FHL5: variants seen among roughly 807,000 people sequenced by gnomAD.
FHL5 encodes four and a half LIM domains protein 5.
In FHL5, 33 loss-of-function variants were observed where a neutral mutation model predicts 32.0. The observed-to-expected ratio is 1.03, with a 90% confidence interval of 0.78 to 1.38. The LOEUF (loss-of-function observed/expected upper bound fraction) is 1.38. FHL5 is among the 40% of genes most tolerant of loss of function. FHL5 has a pLI of 0.00. For synonymous variants in FHL5, 114 were observed against 113.6 expected (o/e 1.00, Z -0.02); for missense variants, 336 against 343.9 (o/e 0.98, Z 0.18).
Position 96,598,099 on chromosome 6 carries a change from C to T in FHL5, c.-12-5503C>T, listed in dbSNP as rs540142226. 2.6e-5 allele frequency among the ~76,000 whole-genome samples: 4 copies of T among 152,244 alleles called. 1 individual carries two copies. The highest frequency in any genetic ancestry group is 2.6e-4 in the Admixed American group (4 of 15,284). On this transcript the variant is annotated intron_variant, in intron 1 of 5. Transcript: ENST00000450218. ...TTACCCCAAATGTGGTAGAGACTGC[C>T]CTTTGCCTGCTTCCACACCCATTCT...
At chr6:96,570,203 A>T (rs1770446061) in intron 1 of FHL5, among the ~76,000 whole-genome samples, 1 of 152,074 alleles carries the variant, frequency 6.6e-6, no homozygotes, top group African/African-American at 2.4e-5. Context: ...TACCTCGAGA[A>T]GGCTTTATTT....
chr6:96,618,469 C>G lies in FHL5; in HGVS notation c.*2697C>G, dbSNP rs1771565844. 6.6e-6 allele frequency among the ~76,000 whole-genome samples: 1 copy of G among 152,132 alleles called. No homozygotes were observed. Among genetic ancestry groups the G allele is most frequent in the African/African-American group, 2.4e-5 (1 of 41,406 alleles). On this transcript the variant is annotated 3_prime_UTR_variant, in exon 6 of 6. Coordinates refer to ENST00000450218, the MANE Select transcript of FHL5 (RefSeq NM_001322466.2). ...TGACATAACCGGCCATAGAAAGTTA[C>G]CAACTGTTCATAAGTAAAGGAAGAA...
chr6:96,610,690 C>T lies in FHL5; in HGVS notation c.623C>T (p.Pro208Leu), dbSNP rs769543900. ...EEQFMSRDDY[P>L]FCVDCYNHLY... The stretch of plus-strand genomic sequence containing the variant: ...CAGTTCATGTCCAGAGACGACTATC[C>T]ATTCTGCGTGGACTGCTACAACCAT... The change falls in exon 5 of 6, where the codon CCA (proline) becomes CTA (leucine). Residue 208 changes from proline to leucine, a missense_variant. Transcript: ENST00000450218. The T allele has an allele frequency of 6.8e-6, 11 of 1,613,600 alleles. No homozygotes were observed. In the Admixed American group the frequency reaches 1.0e-4, roughly 15 times the overall value.
intron 1 of FHL5, among the ~76,000 whole-genome samples, chr6:96,591,545 A>T (rs11153067): frequency 0.16 from 24,195 of 151,984 alleles, 2,080 homozygotes; most frequent in Middle Eastern, 0.26. Flanking sequence ...TTTTACCTTC[A>T]TTGTCAAAAG....
intron 1 of FHL5, among the ~76,000 whole-genome samples, chr6:96,587,038 A>T (rs74537225): frequency 0.012 from 1,768 of 152,332 alleles, 33 homozygotes; most frequent in African/African-American, 0.034. Flanking sequence ...GCCAAAGGAG[A>T]ACATTCAAGA....
chr6:96,576,504 G>A (rs549221286), intron 1 of FHL5, among the ~76,000 whole-genome samples: 9 of 152,288 alleles, frequency 5.9e-5, no homozygotes, highest in Admixed American at 2.0e-4. Flanking sequence ...AGGCTACCAC[G>A]TAAGCTTTTC....
intron 4 of FHL5, among the ~76,000 whole-genome samples, chr6:96,607,955 G>A (rs751620931): frequency 6.6e-6 from 1 of 152,118 alleles, no homozygotes; most frequent in Non-Finnish European, 1.5e-5. Flanking sequence ...TTGAGCCACT[G>A]TACTCCAGCC....
chr6:96,595,615 T>C (rs1771019373), intron 1 of FHL5, among the ~76,000 whole-genome samples: 1 of 151,900 alleles, frequency 6.6e-6, no homozygotes, highest in African/African-American at 2.4e-5. Context: ...TTAACTGATA[T>C]ATTTTCTATC....
At chr6:96,567,825 C>CTTTTTTTTTTT (rs757441385) in intron 1 of FHL5, among the ~76,000 whole-genome samples, 3 of 110,518 alleles carry the variant, frequency 2.7e-5, no homozygotes, top group Non-Finnish European at 3.7e-5. Context: ...TTTTTGTATT[C>CTTTTTTTTTTT]TTTTTTTTTT....
intron 1 of FHL5, among the ~76,000 whole-genome samples, chr6:96,587,613 T>C (rs937337040): frequency 6.6e-6 from 1 of 152,128 alleles, no homozygotes; most frequent in Non-Finnish European, 1.5e-5. Flanking sequence ...CTGTAAGAAA[T>C]AACAAATTGG....
At chr6:96,590,832 CT>C (rs1770901057) in intron 1 of FHL5, among the ~76,000 whole-genome samples, 1 of 152,002 alleles carries the variant, frequency 6.6e-6, no homozygotes, top group Admixed American at 6.6e-5. Context: ...TCTGCAGCTG[CT>C]GAGGTAATTT....
At chr6:96,570,016 T>A (rs1181295830) in intron 1 of FHL5, among the ~76,000 whole-genome samples, 2 of 152,038 alleles carry the variant, frequency 1.3e-5, no homozygotes, top group Non-Finnish European at 2.9e-5. Flanking sequence ...GGTGGTTTTC[T>A]GTAGTGACAA....
intron 5 of FHL5, among the ~76,000 whole-genome samples, chr6:96,611,174 G>C (rs1199334922): frequency 1.3e-5 from 2 of 152,146 alleles, no homozygotes; most frequent in Non-Finnish European, 2.9e-5. Context: ...CCTTTAGTTA[G>C]GAAGGTTTTA....
chr6:96,586,343 C>A (rs1048681165), intron 1 of FHL5, among the ~76,000 whole-genome samples: 3 of 152,072 alleles, frequency 2.0e-5, no homozygotes, highest in African/African-American at 7.2e-5. Context: ...AAAAACTAAG[C>A]ATGTGTTTAA....
chr6:96,568,854 T>A (rs1770416764), intron 1 of FHL5, among the ~76,000 whole-genome samples: 1 of 151,892 alleles, frequency 6.6e-6, no homozygotes, highest in Admixed American at 6.6e-5. Flanking sequence ...ACGTTTTTCT[T>A]GGGTAGTCAA....
intron 1 of FHL5, among the ~76,000 whole-genome samples, chr6:96,602,589 G>C (rs1195780368): frequency 6.6e-6 from 1 of 151,714 alleles, no homozygotes; most frequent in Non-Finnish European, 1.5e-5. Flanking sequence ...TGGGACTACA[G>C]GCTGTGCATT....
chr6:96,574,749 A>G (rs1308172826), intron 1 of FHL5, among the ~76,000 whole-genome samples: 1 of 152,196 alleles, frequency 6.6e-6, no homozygotes. Context: ...TAAAATGGTT[A>G]AGAGTCACTA....
chr6:96,565,951 A>T (rs1404802064), intron 1 of FHL5, among the ~76,000 whole-genome samples: 5 of 152,102 alleles, frequency 3.3e-5, no homozygotes. Flanking sequence ...CAAATTATCA[A>T]ATCAGGGTAA....
chr6:96,609,057 CA>C (rs1487525087), intron 4 of FHL5, among the ~76,000 whole-genome samples: 1 of 152,170 alleles, frequency 6.6e-6, no homozygotes, highest in African/African-American at 2.4e-5. Context: ...ACTTCCATCA[CA>C]ACATTATGCT....
Sources: allele counts gnomAD v4.1 joint callset (sites outside exome capture counted in the v4.1 genomes callset), GRCh38; gene constraint gnomAD v4.1.1; transcripts MANE v1.5; gene names NCBI Gene and HGNC (gene_info 2026-07-23, HGNC 2026-07-21).